Variants in HTR1F observed in about 807,000 individuals in gnomAD.
The protein encoded by HTR1F is 5-hydroxytryptamine (serotonin) receptor 1F, G protein-coupled.
Under a neutral mutation model 24.0 loss-of-function variants are expected in HTR1F, and 17 were observed. The observed-to-expected ratio is 0.71, with a 90% CI of 0.48 to 1.06. The LOEUF (loss-of-function observed/expected upper bound fraction) is 1.06. Among genes scored for constraint, HTR1F ranks in the 50% least tolerant of loss-of-function variants. The pLI, the probability that HTR1F is intolerant of heterozygous loss-of-function variation, is 0.00. For missense variants in HTR1F, 391 were observed against 427.8 expected, an observed-to-expected ratio of 0.91 and a Z score of 0.76; for synonymous variants, 186 against 156.8, an observed-to-expected ratio of 1.19 and a Z score of -1.39.
At chr3:87,921,496 C>T (rs1329263810) in intron 2 of HTR1F, among the ~76,000 whole-genome samples, 8 of 151,826 alleles carry the variant, frequency 5.3e-5, no homozygotes, top group Non-Finnish European at 1.2e-4. Context: ...TAGGTATATC[C>T]ATACACATAT....
chr3:87,905,402 C>T (rs1311219832), intron 2 of HTR1F, among the ~76,000 whole-genome samples: 1 of 151,578 alleles, frequency 6.6e-6, no homozygotes, highest in East Asian at 1.9e-4. Flanking sequence ...AAATTCTCTA[C>T]TCAAAACCTG....
intron 1 of HTR1F, among the ~76,000 whole-genome samples, chr3:87,818,610 T>A (rs1704294268): frequency 6.6e-6 from 1 of 152,104 alleles, no homozygotes; most frequent in South Asian, 2.1e-4. Context: ...CCACGGCCCC[T>A]CTCTTCTCAG....
At chr3:87,903,294 G>A (rs1206605824) in intron 2 of HTR1F, among the ~76,000 whole-genome samples, 1 of 149,022 alleles carries the variant, frequency 6.7e-6, no homozygotes, top group Non-Finnish European at 1.5e-5. Context: ...TTAAACTAAA[G>A]AGCTTCTGCA....
intron 1 of HTR1F, among the ~76,000 whole-genome samples, chr3:87,798,294 T>C (rs942079238): frequency 6.6e-6 from 1 of 152,128 alleles, no homozygotes; most frequent in Admixed American, 6.6e-5. Flanking sequence ...TGTATGTCTA[T>C]CTGCTCAGCT....
intron 2 of HTR1F, among the ~76,000 whole-genome samples, chr3:87,900,224 T>A (rs1706290942): frequency 6.6e-6 from 1 of 152,168 alleles, no homozygotes; most frequent in Non-Finnish European, 1.5e-5. Flanking sequence ...TAAAGTCTCG[T>A]GGATGGGATG....
chr3:87,869,432 G>GATACATAC (rs879498079), intron 2 of HTR1F, among the ~76,000 whole-genome samples: 5 of 135,026 alleles, frequency 3.7e-5, no homozygotes, highest in African/African-American at 1.1e-4. Context: ...TAGATAGATA[G>GATACATAC]ATACATAGAT....
At chr3:87,930,725 G>A (rs1216304485) in intron 2 of HTR1F, among the ~76,000 whole-genome samples, 1 of 151,596 alleles carries the variant, frequency 6.6e-6, no homozygotes, top group Non-Finnish European at 1.5e-5. Context: ...TTATAGACTT[G>A]GTGAGGATTA....
intron 2 of HTR1F, among the ~76,000 whole-genome samples, chr3:87,971,664 G>A (rs1705288437): frequency 6.6e-6 from 1 of 152,198 alleles, no homozygotes; most frequent in Non-Finnish European, 1.5e-5. Context: ...ATTCCTTGGA[G>A]ATAATCACAG....
chr3:87,900,135 A>G (rs532351548), intron 2 of HTR1F, among the ~76,000 whole-genome samples: 2 of 152,276 alleles, frequency 1.3e-5, no homozygotes, highest in South Asian at 2.1e-4. Context: ...CAATGGGATA[A>G]GTAGTATTAA....
At chr3:87,949,862 A>T (rs1704795006) in intron 2 of HTR1F, among the ~76,000 whole-genome samples, 1 of 152,194 alleles carries the variant, frequency 6.6e-6, no homozygotes, top group South Asian at 2.1e-4. Flanking sequence ...GTCTTGGTCT[A>T]CTTTACGTTG....
intron 2 of HTR1F, among the ~76,000 whole-genome samples, chr3:87,927,919 T>G (rs991979000): frequency 3.9e-5 from 6 of 152,134 alleles, no homozygotes; most frequent in African/African-American, 1.4e-4. Flanking sequence ...AAAATTTTTA[T>G]ATCAATGGTA....
At chr3:87,823,279 C>T (rs918012600) in intron 2 of HTR1F, among the ~76,000 whole-genome samples, 1 of 151,882 alleles carries the variant, frequency 6.6e-6, no homozygotes, top group Non-Finnish European at 1.5e-5. Context: ...TCAATGGTAC[C>T]CATTCTCCTT....
At chr3:87,963,317 A>G (rs1827534) in intron 2 of HTR1F, among the ~76,000 whole-genome samples, 58,796 of 151,852 alleles carry the variant, frequency 0.39, 12,912 homozygotes, top group African/African-American at 0.62. Flanking sequence ...ATTTCTGAAA[A>G]AGTATTGCAC....
chr3:87,989,303 G>A (rs1705764079), intron 2 of HTR1F, among the ~76,000 whole-genome samples: 1 of 152,176 alleles, frequency 6.6e-6, no homozygotes, highest in Admixed American at 6.5e-5. Context: ...GACTTATACA[G>A]AAGAATAATT....
At chr3:87,851,465 T>G (rs1343514385) in intron 2 of HTR1F, among the ~76,000 whole-genome samples, 1 of 151,768 alleles carries the variant, frequency 6.6e-6, no homozygotes, top group African/African-American at 2.4e-5. Flanking sequence ...TTTGCTTATA[T>G]AATTTCTTAC....
intron 2 of HTR1F, among the ~76,000 whole-genome samples, chr3:87,860,954 C>T (rs1362577574): frequency 2.0e-5 from 3 of 152,080 alleles, no homozygotes; most frequent in Non-Finnish European, 2.9e-5. Flanking sequence ...GCCATGAGTC[C>T]GAGACTAGCC....
At chr3:87,963,835 C>T (rs1235420766) in intron 2 of HTR1F, among the ~76,000 whole-genome samples, 1 of 152,136 alleles carries the variant, frequency 6.6e-6, no homozygotes, top group East Asian at 1.9e-4. Flanking sequence ...CTTTGTCTTT[C>T]CAACTGAGTT....
chr3:87,882,063 A>G (rs1255428232), intron 2 of HTR1F, among the ~76,000 whole-genome samples: 1 of 152,246 alleles, frequency 6.6e-6, no homozygotes, highest in Non-Finnish European at 1.5e-5. Flanking sequence ...ATGAACAGAC[A>G]CTTCTCAAAA....
At chr3:87,984,611 T>A (rs1249022524) in intron 2 of HTR1F, among the ~76,000 whole-genome samples, 1 of 152,136 alleles carries the variant, frequency 6.6e-6, no homozygotes, top group African/African-American at 2.4e-5. Flanking sequence ...TACAGGCATG[T>A]GCCACCACAC....
Sources: allele counts gnomAD v4.1 joint callset (sites outside exome capture counted in the v4.1 genomes callset), GRCh38; gene constraint gnomAD v4.1.1; transcripts MANE v1.5; gene names NCBI Gene and HGNC (gene_info 2026-07-23, HGNC 2026-07-21).